GRK4: variants seen among roughly 807,000 people sequenced by gnomAD.
The protein encoded by GRK4 is G protein-coupled receptor kinase 4.
Under a neutral mutation model 77.9 loss-of-function variants are expected in GRK4, and 73 were observed. That is an observed-to-expected ratio of 0.94 (90% CI 0.78 to 1.14). The LOEUF (loss-of-function observed/expected upper bound fraction) is 1.14. Among genes scored for constraint, GRK4 ranks in the 50% most tolerant of loss-of-function variants. The pLI is 0.00. For missense variants in GRK4, 729 were observed against 700.2 expected (o/e 1.04, Z -0.46); for synonymous variants, 257 against 254.4 (o/e 1.01, Z -0.10).
intron 1 of GRK4, among the ~76,000 whole-genome samples, chr4:2,973,014 T>C (rs957390440): frequency 1.3e-5 from 2 of 152,178 alleles, no homozygotes; most frequent in African/African-American, 4.8e-5. Context: ...GGATTACAAG[T>C]GTGAGCCACT....
intron 4 of GRK4, among the ~76,000 whole-genome samples, chr4:3,001,261 A>ATGTGTGTG (rs1335008792): frequency 6.8e-5 from 7 of 102,702 alleles, no homozygotes; most frequent in African/African-American, 3.2e-4. Flanking sequence ...ATATGTATAT[A>ATGTGTGTG]TATGTGTGTA....
chr4:2,973,796 C>T (rs985293351), intron 1 of GRK4, among the ~76,000 whole-genome samples: 7 of 152,166 alleles, frequency 4.6e-5, no homozygotes, highest in African/African-American at 1.7e-4. Context: ...AAAATTTAAG[C>T]CAGATTGTGT....
chr4:2,978,125 TA>T (rs1721748940), intron 1 of GRK4, among the ~76,000 whole-genome samples: 1 of 152,228 alleles, frequency 6.6e-6, no homozygotes, highest in South Asian at 2.1e-4. Context: ...TAGAAATTCC[TA>T]AAAGTCAGTT....
chr4:3,040,504 G>C, intron 15 of GRK4, 68 bp from the exon 16 acceptor site: 2 of 1,326,250 alleles, frequency 1.5e-6, no homozygotes, highest in Non-Finnish European at 2.1e-6. Context: ...GTAAATGGTT[G>C]TCTGCACTTA....
chr4:2,988,693 ATTTG>A (rs1725189057), intron 2 of GRK4, 30 bp from the exon 3 acceptor site: 1 of 1,142,670 alleles, frequency 8.8e-7, no homozygotes, highest in African/African-American at 1.5e-5. Flanking sequence ...TAATGATTCT[ATTTG>A]TTTGCTTCTT....
chr4:3,021,201 C>G (rs1222932591), intron 9 of GRK4, among the ~76,000 whole-genome samples: 2 of 152,184 alleles, frequency 1.3e-5, no homozygotes, highest in African/African-American at 2.4e-5. Context: ...AGGGTTTTAG[C>G]TGCTCAGGTG....
intron 8 of GRK4, among the ~76,000 whole-genome samples, chr4:3,018,831 A>T (rs1165501375): frequency 6.6e-6 from 1 of 152,118 alleles, no homozygotes; most frequent in East Asian, 1.9e-4. Flanking sequence ...GTGAGCCGAG[A>T]TGGTGCCACT....
intron 4 of GRK4, among the ~76,000 whole-genome samples, chr4:2,996,998 T>C (rs1728147571): frequency 6.6e-6 from 1 of 152,164 alleles, no homozygotes; most frequent in Non-Finnish European, 1.5e-5. Flanking sequence ...GACAGGAGGC[T>C]CTCTTGATGC....
rs377174142 is a variant in GRK4 at position 3,019,657 on chromosome 4, C to T, written c.758C>T (p.Ala253Val). 1 of 1,613,200 alleles carries T rather than the reference C, an allele frequency of 6.2e-7. No individual in the cohort carries two copies. Among genetic ancestry groups the T allele is most frequent in the African/African-American group, 1.3e-5 (1 of 74,906 alleles). Residue 253 changes from alanine to valine, a missense_variant, in exon 9 of 16, where the codon GCT (alanine) becomes GTT (valine). By Grantham distance (64) the Ala-to-Val change is moderately conservative. Coordinates refer to ENST00000398052, the MANE Select transcript of GRK4 (RefSeq NM_182982.3). ...QSRFVVSLAYAYETKDALCLV... is the reference protein window; with the variant it reads ...QSRFVVSLAYVYETKDALCLV... ...TGTCTTTAGGTTAGTTTAGCCTACG[C>T]TTATGAAACCAAAGATGCCTTGTGC...
At position 3,019,725 on chromosome 4, in the gene GRK4, A is replaced by G; in HGVS notation, c.826A>G (p.Ile276Val). The part of the protein sequence containing the change: ...IMNGGDLKFH[I>V]YNLGNPGFDE... Reference sequence around the variant, plus strand: ...GAATGGAGGGGATTTGAAGTTTCACATTTACAACCTGGGCAATCCCGGCTT... The same window carrying G: ...GAATGGAGGGGATTTGAAGTTTCACGTTTACAACCTGGGCAATCCCGGCTT... The change falls in exon 9 of 16, where the codon ATT becomes GTT. Residue 276 changes from isoleucine to valine, a missense_variant. By Grantham distance (29) the Ile-to-Val change is conservative. Transcript: ENST00000398052. The G allele has an allele frequency of 1.9e-6, 3 of 1,614,196 alleles. No homozygotes were observed. Among genetic ancestry groups the G allele is most frequent in the East Asian group, 4.5e-5 (2 of 44,878 alleles).
At chr4:3,014,890 G>C (rs1449261720) in intron 8 of GRK4, among the ~76,000 whole-genome samples, 2 of 152,158 alleles carry the variant, frequency 1.3e-5, no homozygotes, top group Admixed American at 1.3e-4. Context: ...GCTTCCCAAA[G>C]TGTTGGGATT....
intron 1 of GRK4, among the ~76,000 whole-genome samples, chr4:2,977,656 G>T (rs1372167400): frequency 6.6e-6 from 1 of 152,216 alleles, no homozygotes; most frequent in Non-Finnish European, 1.5e-5. Flanking sequence ...CAGGCTGGCA[G>T]AAGTTCTGAG....
chr4:2,980,929 G>A (rs114202729), intron 1 of GRK4, among the ~76,000 whole-genome samples: 121 of 152,388 alleles, frequency 7.9e-4, no homozygotes, highest in African/African-American at 2.8e-3. Context: ...AGAGCAGCAA[G>A]GGTTGCATGA....
Position 3,027,704 on chromosome 4 carries a change from G to A in GRK4, c.971-208G>A, listed in dbSNP as rs779050226. Among the ~76,000 whole-genome samples the A allele has an allele frequency of 7.9e-5, 12 of 152,138 alleles. 1 individual carries two copies. The highest frequency in any genetic ancestry group is 3.9e-4 in the Admixed American group (6 of 15,278). Reference sequence around the variant, plus strand: ...CCTGATCAATAGCCAGGCAAAAATCGAATTTTCCTGCTGCTAGTGAAAATG... The same window carrying A: ...CCTGATCAATAGCCAGGCAAAAATCAAATTTTCCTGCTGCTAGTGAAAATG... On this transcript the variant is annotated intron_variant, in intron 10 of 15. Transcript: ENST00000398052.
At chr4:3,001,454 C>T (rs1729814043) in intron 4 of GRK4, among the ~76,000 whole-genome samples, 1 of 150,584 alleles carries the variant, frequency 6.6e-6, no homozygotes, top group Admixed American at 6.6e-5. Context: ...GCAACCTCTG[C>T]CTCCTGGGTT....
At chr4:3,025,477 C>T (rs977638693) in intron 10 of GRK4, among the ~76,000 whole-genome samples, 2 of 148,842 alleles carry the variant, frequency 1.3e-5, no homozygotes, top group African/African-American at 5.0e-5. Context: ...GTAAGCTCCG[C>T]CTCCCAGGTT....
At position 2,990,246 on chromosome 4, in the gene GRK4, CTTTTTTTTTTTTTT is replaced by C. The variant is rs71644371; in HGVS notation, c.261+1421_261+1434del. Among the ~76,000 whole-genome samples the C allele has an allele frequency of 2.0e-3, 143 of 70,766 alleles. 1 individual carries two copies. Among genetic ancestry groups the C allele is most frequent in the Admixed American group, 7.4e-3 (45 of 6,098 alleles). 46.4% of individuals were successfully genotyped at this position (70,766 alleles called of 152,430 possible). On this transcript the variant is annotated intron_variant, in intron 3 of 15. Coordinates refer to ENST00000398052, the MANE Select transcript of GRK4 (RefSeq NM_182982.3). The stretch of plus-strand genomic sequence containing the variant: ...TAAGGTGATTCTTCTTCTTCTTCTT[CTTTTTTTTTTTTTT>C]TTTTTTTTTTTTTGAGACAGAGTTT...
intron 1 of GRK4, among the ~76,000 whole-genome samples, chr4:2,977,404 C>T (rs554290288): frequency 5.3e-5 from 8 of 152,276 alleles, no homozygotes; most frequent in Admixed American, 2.6e-4. Context: ...CCGGCTGCTA[C>T]GCCTACTGCT....
intron 1 of GRK4, among the ~76,000 whole-genome samples, chr4:2,976,974 T>C (rs1252129354): frequency 6.6e-6 from 1 of 152,096 alleles, no homozygotes; most frequent in Non-Finnish European, 1.5e-5. Flanking sequence ...CTCCCCAGAT[T>C]AGTTGGGGGC....
Sources: gnomAD v4.1 joint callset for allele counts (sites outside exome capture counted in the v4.1 genomes callset) on GRCh38, gnomAD v4.1.1 for gene constraint, MANE v1.5 for transcripts, NCBI Gene and HGNC (gene_info 2026-07-23, HGNC 2026-07-21) for gene names.